NEGR1: variants seen among roughly 807,000 people sequenced by gnomAD.
NEGR1 encodes the protein IgLON family member 4.
A neutral mutation model predicts 40.9 loss-of-function variants in NEGR1; 10 were observed. The observed-to-expected ratio is 0.24, with a 90% CI of 0.15 to 0.42. NEGR1 has a LOEUF of 0.42. Among genes scored for constraint, NEGR1 ranks in the 10% least tolerant of loss-of-function variants. NEGR1 has a pLI of 1.00. For missense variants in NEGR1, 352 were observed against 438.9 expected (o/e 0.80, Z 1.77); for synonymous variants, 185 against 166.8 (o/e 1.11, Z -0.84).
At chr1:71,923,930 G>A (rs552127882) in intron 2 of NEGR1, among the ~76,000 whole-genome samples, 2 of 150,694 alleles carry the variant, frequency 1.3e-5, no homozygotes, top group East Asian at 3.9e-4. Context: ...TTTTTTTGTG[G>A]CAGGGTCTCG....
At chr1:72,217,295 G>T (rs572681158) in intron 1 of NEGR1, among the ~76,000 whole-genome samples, 2 of 150,490 alleles carry the variant, frequency 1.3e-5, no homozygotes, top group African/African-American at 5.0e-5. Flanking sequence ...TAAACCCAAG[G>T]CATAATAAAA....
At chr1:72,030,103 T>G (rs1306236551) in intron 1 of NEGR1, among the ~76,000 whole-genome samples, 1 of 151,906 alleles carries the variant, frequency 6.6e-6, no homozygotes, top group Non-Finnish European at 1.5e-5. Context: ...AGTTGCAGAA[T>G]ATGTCAAACC....
chr1:72,089,190 T>C (rs796853232), intron 1 of NEGR1, among the ~76,000 whole-genome samples: 9 of 152,216 alleles, frequency 5.9e-5, no homozygotes, highest in African/African-American at 1.7e-4. Flanking sequence ...CCCATACTTG[T>C]ATAAAAAGCT....
chr1:71,704,540 T>C (rs182009379), intron 3 of NEGR1, among the ~76,000 whole-genome samples: 17 of 152,014 alleles, frequency 1.1e-4, no homozygotes, highest in African/African-American at 3.1e-4. Context: ...TTTAACAGTT[T>C]AGATTAAGTG....
intron 1 of NEGR1, among the ~76,000 whole-genome samples, chr1:72,032,597 CAAAAT>C (rs762850125): frequency 3.3e-5 from 5 of 152,128 alleles, no homozygotes; most frequent in African/African-American, 4.8e-5. Flanking sequence ...TATTCACACT[CAAAAT>C]AAAGAAGCCA....
At chr1:71,503,367 G>T (rs1647011295) in intron 6 of NEGR1, among the ~76,000 whole-genome samples, 1 of 152,042 alleles carries the variant, frequency 6.6e-6, no homozygotes, top group African/African-American at 2.4e-5. Context: ...CTAGTAAAAA[G>T]CCCTCACCCA....
At chr1:72,069,025 C>G (rs920001999) in intron 1 of NEGR1, among the ~76,000 whole-genome samples, 2 of 152,102 alleles carry the variant, frequency 1.3e-5, no homozygotes, top group Non-Finnish European at 2.9e-5. Context: ...TGGTTACTCT[C>G]TTGTCTAATA....
intron 4 of NEGR1, among the ~76,000 whole-genome samples, chr1:71,640,964 C>A (rs1422080535): frequency 6.6e-6 from 1 of 152,006 alleles, no homozygotes; most frequent in Admixed American, 6.6e-5. Context: ...GATAATTAAC[C>A]AAAACTTCTG....
chr1:71,947,731 C>T (rs958986868), intron 1 of NEGR1, among the ~76,000 whole-genome samples: 1 of 151,648 alleles, frequency 6.6e-6, no homozygotes, highest in Non-Finnish European at 1.5e-5. Context: ...AAGTAGGAAC[C>T]AGAACCAGTC....
intron 2 of NEGR1, among the ~76,000 whole-genome samples, chr1:71,788,971 T>G (rs1388281671): frequency 6.6e-6 from 1 of 152,102 alleles, no homozygotes; most frequent in Non-Finnish European, 1.5e-5. Flanking sequence ...TATCAAGTTA[T>G]ATGAGAAACA....
chr1:71,884,720 T>C (rs1170020097), intron 2 of NEGR1, among the ~76,000 whole-genome samples: 1 of 152,084 alleles, frequency 6.6e-6, no homozygotes, highest in Non-Finnish European at 1.5e-5. Context: ...AAAGTTACAC[T>C]AAAAAAGGTA....
chr1:71,978,939 G>T (rs560617488), intron 1 of NEGR1, among the ~76,000 whole-genome samples: 1 of 152,062 alleles, frequency 6.6e-6, no homozygotes, highest in South Asian at 2.1e-4. Flanking sequence ...CAGTAGCAAA[G>T]ACATGGAATC....
intron 1 of NEGR1, among the ~76,000 whole-genome samples, chr1:72,147,785 A>G (rs892525547): frequency 6.6e-6 from 1 of 152,100 alleles, no homozygotes; most frequent in African/African-American, 2.4e-5. Context: ...ATTGGCCAAA[A>G]CAAATGGGTT....
intron 3 of NEGR1, among the ~76,000 whole-genome samples, chr1:71,745,941 C>T (rs1655366830): frequency 6.6e-6 from 1 of 152,172 alleles, no homozygotes; most frequent in Admixed American, 6.5e-5. Flanking sequence ...TACTCTAGAT[C>T]TAGGAGGAGG....
At chr1:71,791,369 G>T (rs1269180848) in intron 2 of NEGR1, among the ~76,000 whole-genome samples, 1 of 151,866 alleles carries the variant, frequency 6.6e-6, no homozygotes, top group Non-Finnish European at 1.5e-5. Context: ...AATCTATATG[G>T]TAGAAATGGT....
intron 2 of NEGR1, among the ~76,000 whole-genome samples, chr1:71,913,146 C>T (rs1265686236): frequency 1.3e-5 from 2 of 152,098 alleles, no homozygotes; most frequent in Admixed American, 6.6e-5. Context: ...GATGGAGTCT[C>T]ACTCTGTCAC....
chr1:71,953,587 G>A (rs2801335), intron 1 of NEGR1, among the ~76,000 whole-genome samples: 5,539 of 151,982 alleles, frequency 0.036, 330 homozygotes, highest in African/African-American at 0.13. Flanking sequence ...TCTATTGTGG[G>A]TATGACGCTA....
chr1:71,514,237 C>G (rs1485713373), intron 6 of NEGR1, among the ~76,000 whole-genome samples: 2 of 69,012 alleles, frequency 2.9e-5, no homozygotes, highest in African/African-American at 7.1e-5. Context: ...TCAAGGAGGC[C>G]TGCCTGCCTC....
chr1:71,825,576 A>G (rs946572234), intron 2 of NEGR1, among the ~76,000 whole-genome samples: 1 of 151,880 alleles, frequency 6.6e-6, no homozygotes, highest in Non-Finnish European at 1.5e-5. Context: ...TTTATAATAA[A>G]CAAGACTAGA....
Sources: gnomAD v4.1 joint callset for allele counts (sites outside exome capture counted in the v4.1 genomes callset) on GRCh38, gnomAD v4.1.1 for gene constraint, MANE v1.5 for transcripts, NCBI Gene and HGNC (gene_info 2026-07-23, HGNC 2026-07-21) for gene names.